Variants in GABRG2 observed in about 807,000 individuals in gnomAD.
GABRG2 encodes the protein gamma-aminobutyric acid type A receptor subunit gamma2, also known as gamma-aminobutyric acid receptor subunit gamma-2.
In GABRG2, 16 loss-of-function variants were observed where a neutral mutation model predicts 56.4. The ratio of observed to expected loss-of-function variants is 0.28; its 90% CI spans 0.19 to 0.43. The LOEUF is 0.43. Among genes scored for constraint, GABRG2 ranks in the 20% least tolerant of loss-of-function variants. GABRG2 has a pLI of 1.00. For synonymous variants in GABRG2, 208 were observed against 205.5 expected (o/e 1.01, Z -0.10); for missense variants, 327 against 582.7 (o/e 0.56, Z 4.52).
chr5:162,113,141 T>C (rs1371754002), intron 6 of GABRG2, among the ~76,000 whole-genome samples: 1 of 152,026 alleles, frequency 6.6e-6, no homozygotes, highest in Non-Finnish European at 1.5e-5. Context: ...GGTTTCACCA[T>C]GTTGGCCAGT....
chr5:162,084,101 G>A (rs1759867993), intron 1 of GABRG2, among the ~76,000 whole-genome samples: 1 of 151,714 alleles, frequency 6.6e-6, no homozygotes, highest in Non-Finnish European at 1.5e-5. Flanking sequence ...TCAGAAGGCA[G>A]ATTAGCAAAT....
intron 1 of GABRG2, among the ~76,000 whole-genome samples, chr5:162,085,345 A>T (rs901505983): frequency 6.6e-6 from 1 of 151,942 alleles, no homozygotes; most frequent in African/African-American, 2.4e-5. Context: ...ACATGTTGTA[A>T]ATAATTCTAC....
intron 5 of GABRG2, chr5:162,102,727 C>T (rs1581362464): frequency 7.7e-6 from 3 of 389,066 alleles, no homozygotes; most frequent in African/African-American, 2.1e-5. Context: ...GATGGGGCGT[C>T]GCCATGTTGC....
chr5:162,109,887 T>C (rs1762136693), intron 6 of GABRG2, among the ~76,000 whole-genome samples: 1 of 152,032 alleles, frequency 6.6e-6, no homozygotes, highest in African/African-American at 2.4e-5. Context: ...GAAACTTACA[T>C]TGGTGGGATC....
intron 1 of GABRG2, among the ~76,000 whole-genome samples, chr5:162,090,302 A>ACATACACATACACATACACATAC (rs1236450026): frequency 7.3e-6 from 1 of 136,904 alleles, no homozygotes; most frequent in Admixed American, 7.5e-5. Context: ...ATACACATAG[A>ACATACACATACACATACACATAC]CATACACATA....
chr5:162,102,120 A>G (rs1761467167), intron 5 of GABRG2: 1 of 159,836 alleles, frequency 6.3e-6, no homozygotes, highest in Admixed American at 6.0e-5. Context: ...CACAGTTTGA[A>G]AAACGTTGAT....
At chr5:162,071,227 T>C (rs924780134) in intron 1 of GABRG2, among the ~76,000 whole-genome samples, 5 of 151,494 alleles carry the variant, frequency 3.3e-5, no homozygotes, top group Non-Finnish European at 7.4e-5. Flanking sequence ...CTTATAACTT[T>C]ATAAACTTTT....
chr5:162,142,505 T>C (rs1318493410), intron 7 of GABRG2, 189 bp downstream of exon 7: 1 of 594,340 alleles, frequency 1.7e-6, no homozygotes, highest in African/African-American at 1.9e-5. Context: ...AACCCAAATG[T>C]CCATCAATGA....
chr5:162,101,337 C>T lies in GABRG2; in HGVS notation c.631+20C>T. On this transcript the variant is annotated intron_variant, in intron 5 of 9. Coordinates refer to ENST00000639213, the MANE Select transcript of GABRG2 (RefSeq NM_198904.4). ...CCAGTTGTAAGTAATATTCCTTCTC[C>T]ATTTGTATCCTCCCTCACCTACAGT... The T allele has an allele frequency of 7.6e-6, 11 of 1,451,468 alleles. No homozygotes were observed. The highest frequency in any genetic ancestry group is 1.1e-5 in the Non-Finnish European group (11 of 1,033,028). The allele number at this position is 1,451,468 out of a possible 1,614,324, so 89.9% of individuals were successfully genotyped here.
chr5:162,132,540 T>C (rs1243371889), intron 6 of GABRG2, among the ~76,000 whole-genome samples: 1 of 152,032 alleles, frequency 6.6e-6, no homozygotes, highest in African/African-American at 2.4e-5. Context: ...TATAATCTCT[T>C]ACTCAAAGGA....
intron 6 of GABRG2, among the ~76,000 whole-genome samples, chr5:162,108,581 A>G (rs779318425): frequency 2.6e-5 from 4 of 152,154 alleles, no homozygotes; most frequent in Admixed American, 6.6e-5. Context: ...GCGATTTTTA[A>G]GAATGTTCAC....
At chr5:162,100,060 T>C (rs1407765946) in intron 4 of GABRG2, 1 of 152,120 alleles carries the variant, frequency 6.6e-6, no homozygotes, top group Non-Finnish European at 1.5e-5. Context: ...GATTAAAACC[T>C]CCAGCTTTGA....
At chr5:162,150,256 A>G (rs1339794540) in intron 8 of GABRG2, 1 of 152,290 alleles carries the variant, frequency 6.6e-6, no homozygotes, top group East Asian at 1.9e-4. Flanking sequence ...GGGCAAAACA[A>G]AAAATCCCAA....
intron 5 of GABRG2, 65 bp from the exon 6 acceptor site, chr5:162,103,824 A>G: frequency 6.4e-7 from 1 of 1,565,178 alleles, no homozygotes; most frequent in Non-Finnish European, 8.8e-7. Context: ...ATGTTCATAG[A>G]AGATGGTTGC....
chr5:162,114,177 A>G (rs1762447571), intron 6 of GABRG2, among the ~76,000 whole-genome samples: 1 of 152,178 alleles, frequency 6.6e-6, no homozygotes, highest in South Asian at 2.1e-4. Flanking sequence ...ATAATTATGT[A>G]GAGCTGAATT....
rs1760925146 is a variant in GABRG2 at position 162,095,415 on chromosome 5, T to C, written c.260-80T>C. 8 of 861,140 alleles carry C rather than the reference T, an allele frequency of 9.3e-6. No homozygotes were observed. The South Asian group carries it at 1.1e-4, about 12-fold the overall frequency. The allele number at this position is 861,140 out of a possible 1,614,324, so 53.3% of individuals were successfully genotyped here. A position where few individuals can be genotyped will look rare whatever the true frequency, so the allele number is the denominator to read the frequency against. The stretch of plus-strand genomic sequence containing the variant: ...ATTACTTCTAATGTAGCTAAATAAA[T>C]CTATTCTAGAAAACAAAGATTAAAA... On this transcript the variant is annotated intron_variant, in intron 2 of 9. Coordinates refer to ENST00000639213, the MANE Select transcript of GABRG2 (RefSeq NM_198904.4).
intron 6 of GABRG2, among the ~76,000 whole-genome samples, chr5:162,139,404 G>A (rs1407369123): frequency 1.3e-5 from 2 of 152,188 alleles, no homozygotes; most frequent in African/African-American, 4.8e-5. Context: ...AGATATGACA[G>A]GTGTCAGGCT....
chr5:162,146,775 T>A (rs1764978823), intron 7 of GABRG2, among the ~76,000 whole-genome samples: 1 of 152,238 alleles, frequency 6.6e-6, no homozygotes. Flanking sequence ...ATAAACATAG[T>A]TCCCTTGATC....
chr5:162,076,489 A>G (rs1258030791), intron 1 of GABRG2, among the ~76,000 whole-genome samples: 1 of 152,140 alleles, frequency 6.6e-6, no homozygotes, highest in Non-Finnish European at 1.5e-5. Flanking sequence ...GTAAACATTG[A>G]ACTTAGTAAT....
Sources: gnomAD v4.1 joint callset for allele counts (sites outside exome capture counted in the v4.1 genomes callset) on GRCh38, gnomAD v4.1.1 for gene constraint, MANE v1.5 for transcripts, NCBI Gene and HGNC (gene_info 2026-07-23, HGNC 2026-07-21) for gene names.